GPC5: variants seen among roughly 807,000 people sequenced by gnomAD.
GPC5 encodes glypican-5.
Under a neutral mutation model 53.9 loss-of-function variants are expected in GPC5, and 47 were observed. The observed-to-expected ratio is 0.87, with a 90% CI of 0.69 to 1.11. The LOEUF is 1.11. Among genes scored for constraint, GPC5 ranks in the 50% most tolerant of loss-of-function variants. The pLI, the probability that GPC5 is intolerant of heterozygous loss-of-function variation, is 0.00. For synonymous variants in GPC5, 286 were observed against 263.3 expected, an observed-to-expected ratio of 1.09 and a Z score of -0.84; for missense variants, 748 against 713.1, an observed-to-expected ratio of 1.05 and a Z score of -0.56.
At chr13:91,546,517 C>CAA (rs2138789612) in intron 2 of GPC5, among the ~76,000 whole-genome samples, 1 of 152,076 alleles carries the variant, frequency 6.6e-6, no homozygotes, top group African/African-American at 2.4e-5. Context: ...GATTTTTAAT[C>CAA]AATTTTTTAA....
Position 92,770,166 on chromosome 13 carries a change from C to A in GPC5, c.1562-96116C>A, listed in dbSNP as rs1016724117. Among the ~76,000 whole-genome samples, 6 of 152,112 alleles carry A rather than the reference C, an allele frequency of 3.9e-5. 1 individual carries two copies. The South Asian group carries it at 1.2e-3, about 32-fold the overall frequency. The stretch of plus-strand genomic sequence containing the variant: ...TGTTGGCCCATGCCTGTAATCCCAG[C>A]ACTTTAGGAGGCTGAGGCAGGAGAA... On this transcript the variant is annotated intron_variant, in intron 7 of 7. Coordinates refer to ENST00000377067, the MANE Select transcript of GPC5 (RefSeq NM_004466.6).
At chr13:91,877,761 A>G (rs1015332102) in intron 5 of GPC5, among the ~76,000 whole-genome samples, 1 of 152,198 alleles carries the variant, frequency 6.6e-6, no homozygotes, top group Non-Finnish European at 1.5e-5. Flanking sequence ...ATGTGAGGAC[A>G]TAAGATTTGG....
intron 6 of GPC5, among the ~76,000 whole-genome samples, chr13:92,020,534 T>C (rs553889176): frequency 2.6e-5 from 4 of 152,218 alleles, no homozygotes; most frequent in Non-Finnish European, 5.9e-5. Context: ...GATATCTCAT[T>C]GTGGTTTTTG....
chr13:91,609,450 T>A (rs565046107), intron 2 of GPC5, among the ~76,000 whole-genome samples: 144 of 152,292 alleles, frequency 9.5e-4, no homozygotes, highest in South Asian at 3.3e-3. Context: ...TGCACCAGTA[T>A]CAACCCCAGA....
chr13:92,832,163 A>G (rs1213227349), intron 7 of GPC5, among the ~76,000 whole-genome samples: 1 of 152,208 alleles, frequency 6.6e-6, no homozygotes, highest in Non-Finnish European at 1.5e-5. Flanking sequence ...AGAATCTCAA[A>G]AGGATATAGG....
intron 1 of GPC5, among the ~76,000 whole-genome samples, chr13:91,442,965 C>A (rs1880541527): frequency 6.6e-6 from 1 of 152,126 alleles, no homozygotes; most frequent in African/African-American, 2.4e-5. Flanking sequence ...TTGCTTCTTT[C>A]TTTTTATTTA....
rs144848630 is a variant in GPC5 at position 91,949,297 on chromosome 13, G to A, written c.1401+41240G>A. On this transcript the variant is annotated intron_variant, in intron 6 of 7. Transcript: ENST00000377067. ...ATGTCACTTCCCAGTTTAACCTAGG[G>A]GTTTTGCTTATGTATGTACACTCAA... Among the ~76,000 whole-genome samples, 838 of 152,110 alleles carry A rather than the reference G, an allele frequency of 5.5e-3. 15 individuals carry two copies. The highest frequency in any genetic ancestry group is 0.019 in the African/African-American group (803 of 41,484).
chr13:92,507,941 T>G (rs1880432057), intron 7 of GPC5, among the ~76,000 whole-genome samples: 1 of 152,172 alleles, frequency 6.6e-6, no homozygotes. Context: ...TTACAAATTT[T>G]TATTTAATTA....
chr13:92,309,973 G>T (rs952401623), intron 7 of GPC5, among the ~76,000 whole-genome samples: 2 of 151,808 alleles, frequency 1.3e-5, no homozygotes, highest in African/African-American at 4.8e-5. Flanking sequence ...ACTTTTTTTA[G>T]AATCCACAGG....
At chr13:91,756,982 G>A (rs1403841357) in intron 5 of GPC5, among the ~76,000 whole-genome samples, 3 of 151,998 alleles carry the variant, frequency 2.0e-5, no homozygotes, top group Admixed American at 6.6e-5. Flanking sequence ...TTGAGGCATT[G>A]TTCATTGATA....
Position 92,318,547 on chromosome 13 carries a change from AT to A in GPC5, c.1561+173566del, listed in dbSNP as rs964721838. 3.3e-5 allele frequency among the ~76,000 whole-genome samples: 5 copies of A among 151,940 alleles called. No individual in the cohort carries two copies. In the East Asian group the frequency reaches 7.7e-4, roughly 24 times the overall value. ...ATTACTTAATTGTTAAGTATACCTA[AT>A]TTTTTTTAATGCCTGTGTTTAATCA... On this transcript the variant is annotated intron_variant, in intron 7 of 7. Coordinates refer to ENST00000377067, the MANE Select transcript of GPC5 (RefSeq NM_004466.6).
intron 6 of GPC5, among the ~76,000 whole-genome samples, chr13:91,990,155 AT>A: frequency 6.6e-6 from 1 of 152,326 alleles, no homozygotes; most frequent in East Asian, 1.9e-4. Flanking sequence ...GAATAAGTCT[AT>A]TTTTATAGCT....
chr13:91,438,601 G>A (rs572550055), intron 1 of GPC5, among the ~76,000 whole-genome samples: 78 of 152,062 alleles, frequency 5.1e-4, no homozygotes, highest in South Asian at 2.1e-3. Flanking sequence ...TAGGCTACTC[G>A]GGGGTCAGGT....
intron 2 of GPC5, among the ~76,000 whole-genome samples, chr13:91,690,511 A>G (rs1161188304): frequency 6.6e-6 from 1 of 152,160 alleles, no homozygotes; most frequent in African/African-American, 2.4e-5. Flanking sequence ...TGCTATATTC[A>G]TTTTTATTTT....
intron 2 of GPC5, among the ~76,000 whole-genome samples, chr13:91,583,605 G>GTT (rs200793540): frequency 4.0e-4 from 7 of 17,398 alleles, no homozygotes; most frequent in Admixed American, 8.6e-4. Context: ...ATTTTGTCAA[G>GTT]GTTTTTTTTG....
At chr13:92,038,673 T>TATAGATAG (rs56923365) in intron 6 of GPC5, among the ~76,000 whole-genome samples, 1,674 of 147,910 alleles carry the variant, frequency 0.011, 14 homozygotes, top group African/African-American at 0.021. Context: ...TACAAATCTA[T>TATAGATAG]ATAGATAGAT....
chr13:92,284,318 G>A (rs1307322282), intron 7 of GPC5, among the ~76,000 whole-genome samples: 1 of 152,140 alleles, frequency 6.6e-6, no homozygotes, highest in Non-Finnish European at 1.5e-5. Flanking sequence ...GGTACAAGGA[G>A]GAGCTGGTTC....
chr13:91,734,798 A>G (rs1369749041), intron 4 of GPC5, among the ~76,000 whole-genome samples: 2 of 151,190 alleles, frequency 1.3e-5, no homozygotes, highest in Non-Finnish European at 2.9e-5. Flanking sequence ...TTCACATCCC[A>G]TTCTTGTTTC....
At chr13:92,090,730 T>C (rs1238016033) in intron 6 of GPC5, among the ~76,000 whole-genome samples, 1 of 152,250 alleles carries the variant, frequency 6.6e-6, no homozygotes, top group Non-Finnish European at 1.5e-5. Flanking sequence ...AATGATGTTT[T>C]GTGTAGCTGT....
Sources: gnomAD v4.1 joint callset for allele counts (sites outside exome capture counted in the v4.1 genomes callset) on GRCh38, gnomAD v4.1.1 for gene constraint, MANE v1.5 for transcripts, NCBI Gene and HGNC (gene_info 2026-07-23, HGNC 2026-07-21) for gene names.